Variants in VPS13D observed in about 807,000 individuals in gnomAD.
The protein encoded by VPS13D is vacuolar protein sorting 13 homolog D, also known as intermembrane lipid transfer protein VPS13D.
In VPS13D, 187 loss-of-function variants were observed where a neutral mutation model predicts 461.9. The observed-to-expected ratio is 0.40, with a 90% CI of 0.36 to 0.46. VPS13D has a LOEUF of 0.46. Among genes scored for constraint, VPS13D ranks in the 20% least tolerant of loss-of-function variants. The pLI, the probability that VPS13D is intolerant of heterozygous loss-of-function variation, is 0.60. For missense variants in VPS13D, 4,711 were observed against 5,364.9 expected (o/e 0.88, Z 3.81); for synonymous variants, 1,951 against 1,986.3 (o/e 0.98, Z 0.47).
At chr1:12,396,010 T>TAC (rs1644492029) in intron 60 of VPS13D, among the ~76,000 whole-genome samples, 1 of 134,502 alleles carries the variant, frequency 7.4e-6, no homozygotes, top group African/African-American at 3.0e-5. Context: ...TATATATATA[T>TAC]ATATATATAT....
chr1:12,508,949 A>C lies in VPS13D; in HGVS notation c.13092A>C (p.Ala4364=). 1 of 1,614,196 alleles carries C rather than the reference A, an allele frequency of 6.2e-7. No homozygotes were observed. Among genetic ancestry groups the C allele is most frequent in the East Asian group, 2.2e-5 (1 of 44,886 alleles). Residue 4364 remains alanine (A), a synonymous_variant, in exon 70 of 70, where the codon GCA becomes GCC. Coordinates refer to ENST00000620676, the MANE Select transcript of VPS13D (RefSeq NM_015378.4). The stretch of plus-strand genomic sequence containing the variant: ...AGTTGTCACAAGAAATAAACTACGC[A>C]AAGAGCCTCTACTATGAACAGCAGC... The part of the protein sequence containing the change: ...AVKLSQEINY[A]KSLYYEQQLM...
At chr1:12,234,502 CTGA>C (rs1283082908) in intron 2 of VPS13D, 139 bp downstream of exon 2, 28 of 552,298 alleles carry the variant, frequency 5.1e-5, no homozygotes, top group Non-Finnish European at 8.1e-5. Context: ...CCATATCATC[CTGA>C]TGATTTTTCC....
chr1:12,501,729 C>A (rs1646038250), intron 68 of VPS13D, among the ~76,000 whole-genome samples: 1 of 152,190 alleles, frequency 6.6e-6, no homozygotes, highest in Non-Finnish European at 1.5e-5. Flanking sequence ...CACTGTATTA[C>A]CAACAACCTA....
intron 60 of VPS13D, among the ~76,000 whole-genome samples, chr1:12,388,404 A>G (rs937956680): frequency 9.9e-5 from 15 of 151,976 alleles, no homozygotes; most frequent in Non-Finnish European, 4.4e-5. Flanking sequence ...GTGAAACCCC[A>G]TCTCTACTAA....
At chr1:12,261,749 A>T (rs1193742734) in intron 12 of VPS13D, 152 bp from the exon 13 acceptor site, 4 of 639,646 alleles carry the variant, frequency 6.3e-6, no homozygotes, top group Non-Finnish European at 1.0e-5. Context: ...ATTAGGAAAT[A>T]TTATAAAATA....
chr1:12,285,278 T>G (rs1045877106), intron 21 of VPS13D, among the ~76,000 whole-genome samples: 2 of 148,432 alleles, frequency 1.3e-5, no homozygotes, highest in Non-Finnish European at 3.0e-5. Flanking sequence ...ATTTATTTAT[T>G]TATTTATTTA....
intron 67 of VPS13D, among the ~76,000 whole-genome samples, chr1:12,492,269 A>G (rs188387390): frequency 6.6e-6 from 1 of 152,348 alleles, no homozygotes; most frequent in Admixed American, 6.5e-5. Context: ...TTATGTATTT[A>G]TTGGGTACCA....
rs144840858 is a variant in VPS13D, at chr1:12,283,664, C to T, written c.5562C>T (p.Asn1854=). 27 of 1,614,048 alleles carry T rather than the reference C, an allele frequency of 1.7e-5. No homozygotes were observed. The Admixed American group carries it at 2.5e-4, about 15-fold the overall frequency. The change falls in exon 21 of 70, where the codon AAC becomes AAT. Residue 1854 remains asparagine, a synonymous_variant. Coordinates refer to ENST00000620676, the MANE Select transcript of VPS13D (RefSeq NM_015378.4). ...MRLPPEGILH[N]VKLEPHASME... is the part of the protein sequence containing the mutation. ...TGCCTCCTGAGGGCATTCTGCACAA[C>T]GTGAAGTTGGAGCCACATGCCTCCA...
rs759944456 is a variant in VPS13D, at chr1:12,404,007, A to G, written c.12030+34A>G. On this transcript the variant is annotated intron_variant, in intron 63 of 69. Transcript: ENST00000620676. ...CTATTTGGGTAAATTTTTTTAGATG[A>G]TTTTTCCTTGGAAAAGAATGAGTGT... The G allele has an allele frequency of 5.2e-6, 8 of 1,550,406 alleles. No individual in the cohort carries two copies. In the East Asian group the frequency reaches 7.1e-5, roughly 14 times the overall value.
At chr1:12,498,374 TG>T (rs1645988957) in intron 68 of VPS13D, among the ~76,000 whole-genome samples, 1 of 152,042 alleles carries the variant, frequency 6.6e-6, no homozygotes, top group Non-Finnish European at 1.5e-5. Flanking sequence ...TGTTTTTCGG[TG>T]GGTGGAGGAA....
intron 10 of VPS13D, 46 bp from the exon 11 acceptor site, chr1:12,260,647 C>T (rs1641078336): frequency 1.3e-6 from 2 of 1,552,400 alleles, no homozygotes; most frequent in Non-Finnish European, 1.8e-6. Flanking sequence ...TCTGGATCTA[C>T]AACGTTTGTG....
intron 47 of VPS13D, among the ~76,000 whole-genome samples, chr1:12,354,736 C>T (rs1643871601): frequency 1.3e-5 from 2 of 152,150 alleles, no homozygotes; most frequent in Non-Finnish European, 2.9e-5. Flanking sequence ...TAAACGTTTG[C>T]TAAGCACTCA....
At chr1:12,248,537 G>C (rs1640633648) in intron 5 of VPS13D, among the ~76,000 whole-genome samples, 1 of 151,998 alleles carries the variant, frequency 6.6e-6, no homozygotes, top group Non-Finnish European at 1.5e-5. Flanking sequence ...TAGAAGTGAG[G>C]TCTTGCTATG....
At chr1:12,480,292 G>A (rs1645697114) in intron 67 of VPS13D, among the ~76,000 whole-genome samples, 1 of 152,230 alleles carries the variant, frequency 6.6e-6, no homozygotes. Flanking sequence ...CACAGTACAA[G>A]AAGCCTCCGC....
rs201075717 is a variant in VPS13D at position 12,249,179 on chromosome 1, A to G, written c.448-44A>G. The stretch of plus-strand genomic sequence containing the variant: ...TCTTTTTTCTTTTCTTTGGAACACT[A>G]TTCTGCAGGTGCATCAGCTGCTTTT... On this transcript the variant is annotated intron_variant, in intron 5 of 69. Coordinates refer to ENST00000620676, the MANE Select transcript of VPS13D (RefSeq NM_015378.4). 8.3e-6 allele frequency: 12 copies of G among 1,450,170 alleles called. 1 individual carries two copies. Among genetic ancestry groups the G allele is most frequent in the East Asian group, 4.5e-5 (2 of 43,990 alleles). 89.8% of individuals were successfully genotyped at this position (1,450,170 alleles called of 1,614,324 possible). A position where few individuals can be genotyped will look rare whatever the true frequency, so the allele number is the denominator to read the frequency against.
chr1:12,270,009 A>G (rs1641390330), intron 16 of VPS13D, among the ~76,000 whole-genome samples: 1 of 152,082 alleles, frequency 6.6e-6, no homozygotes, highest in African/African-American at 2.4e-5. Flanking sequence ...AATAAAATTA[A>G]TCAGGCATGG....
chr1:12,352,413 G>T, intron 46 of VPS13D, among the ~76,000 whole-genome samples: 1 of 152,200 alleles, frequency 6.6e-6, no homozygotes, highest in East Asian at 1.9e-4. Flanking sequence ...ATAATAAAAA[G>T]AATAGACAAA....
Position 12,266,883 on chromosome 1 carries a change from G to A in VPS13D, c.1597G>A (p.Val533Ile), listed in dbSNP as rs1641288352. Residue 533 changes from valine to isoleucine, a missense_variant and splice_region_variant, in exon 14 of 70, where the codon GTA becomes ATA. By Grantham distance (29) the Val-to-Ile change is conservative. Transcript: ENST00000620676. ...ACTATTTTATTTATCTTTTATAGAT[G>A]TAAAACTTCTAGCAGAGTCTCTTCC... is the stretch of plus-strand genomic sequence containing the variant. ...SAFMQLEFSD[V>I]KLLAESLPRR... is the part of the protein sequence containing the mutation. 2 of 1,580,652 alleles carry A rather than the reference G, an allele frequency of 1.3e-6. No homozygotes were observed. The highest frequency in any genetic ancestry group is 1.7e-6 in the Non-Finnish European group (2 of 1,166,096).
chr1:12,420,720 C>A (rs1219890224), intron 65 of VPS13D, among the ~76,000 whole-genome samples: 1 of 152,144 alleles, frequency 6.6e-6, no homozygotes, highest in Non-Finnish European at 1.5e-5. Context: ...ATTGCCAGCA[C>A]TTTAATTGTA....
Sources: allele counts gnomAD v4.1 joint callset (sites outside exome capture counted in the v4.1 genomes callset), GRCh38; gene constraint gnomAD v4.1.1; transcripts MANE v1.5; gene names NCBI Gene and HGNC (gene_info 2026-07-23, HGNC 2026-07-21).